Variants in PIK3C2G observed in about 807,000 individuals in gnomAD.
PIK3C2G encodes phosphatidylinositol-4-phosphate 3-kinase catalytic subunit type 2 gamma.
A neutral mutation model predicts 181.1 loss-of-function variants in PIK3C2G; 168 were observed. The observed-to-expected ratio is 0.93, with a 90% CI of 0.82 to 1.05. The LOEUF (loss-of-function observed/expected upper bound fraction) is 1.05. Among genes scored for constraint, PIK3C2G ranks in the 50% least tolerant of loss-of-function variants. The pLI, the probability that PIK3C2G is intolerant of heterozygous loss-of-function variation, is 0.00. For missense variants in PIK3C2G, 1,869 were observed against 1,732.8 expected (o/e 1.08, Z -1.40); for synonymous variants, 573 against 592.2 (o/e 0.97, Z 0.47).
At chr12:18,541,499 T>TA (rs1453700706) in intron 25 of PIK3C2G, among the ~76,000 whole-genome samples, 1 of 151,918 alleles carries the variant, frequency 6.6e-6, no homozygotes, top group Non-Finnish European at 1.5e-5. Context: ...TTGCCCAGTT[T>TA]AAAATGTTTA....
rs1047474966 is a variant in PIK3C2G at position 18,642,447 on chromosome 12, A to T, written c.4308+1893A>T. On this transcript the variant is annotated intron_variant, in intron 32 of 32. Coordinates refer to ENST00000538779, the MANE Select transcript of PIK3C2G (RefSeq NM_001288772.2). The stretch of plus-strand genomic sequence containing the variant: ...TTTGTGTTCTTATACTCTTTTTGTT[A>T]TCCCATACTTAGCCATATTTTCAGA... Among the ~76,000 whole-genome samples, 5 of 152,062 alleles carry T rather than the reference A, an allele frequency of 3.3e-5. No homozygotes were observed. The East Asian group carries it at 7.7e-4, about 24-fold the overall frequency.
At chr12:18,345,365 G>A (rs1421710321) in intron 10 of PIK3C2G, among the ~76,000 whole-genome samples, 1 of 152,052 alleles carries the variant, frequency 6.6e-6, no homozygotes, top group African/African-American at 2.4e-5. Flanking sequence ...GTCCCCCCCA[G>A]ACTGTTTCAA....
chr12:18,377,524 G>A (rs952998994), intron 13 of PIK3C2G, among the ~76,000 whole-genome samples: 1 of 152,054 alleles, frequency 6.6e-6, no homozygotes, highest in Non-Finnish European at 1.5e-5. Context: ...CCATCTTTCT[G>A]AAGTTCACCC....
Position 18,599,857 on chromosome 12 carries a change from G to C in PIK3C2G, c.4087+5288G>C, listed in dbSNP as rs190562633. ...GGCTAAAAAGCATTGAATTAAATAA[G>C]AGAATTTTATAATGAGTACAGTTCT... On this transcript the variant is annotated intron_variant, in intron 30 of 32. Coordinates refer to ENST00000538779, the MANE Select transcript of PIK3C2G (RefSeq NM_001288772.2). Among the ~76,000 whole-genome samples, 54 of 151,894 alleles carry C rather than the reference G, an allele frequency of 3.6e-4. No individual in the cohort carries two copies. In the East Asian group the frequency reaches 9.1e-3, roughly 26 times the overall value.
At chr12:18,619,087 T>C (rs898168514) in intron 31 of PIK3C2G, among the ~76,000 whole-genome samples, 6 of 150,764 alleles carry the variant, frequency 4.0e-5, no homozygotes, top group Non-Finnish European at 8.9e-5. Context: ...AATTATATTA[T>C]ATATTATTTA....
intron 4 of PIK3C2G, among the ~76,000 whole-genome samples, chr12:18,293,470 C>T (rs1299057872): frequency 6.6e-6 from 1 of 152,082 alleles, no homozygotes; most frequent in Non-Finnish European, 1.5e-5. Flanking sequence ...TTTTATCTTG[C>T]TGATACCCTT....
At chr12:18,725,879 C>T in the PIK3C2G span, among the ~76,000 whole-genome samples, 2 of 152,124 alleles carry the variant, frequency 1.3e-5, no homozygotes, top group Non-Finnish European at 2.9e-5. Context: ...AGAAATCTTC[C>T]TCTGTATCTC....
intron 12 of PIK3C2G, among the ~76,000 whole-genome samples, chr12:18,364,540 A>G (rs966731385): frequency 6.6e-6 from 1 of 152,132 alleles, no homozygotes; most frequent in Non-Finnish European, 1.5e-5. Flanking sequence ...AGCACCAGAC[A>G]AAGGGTCCAG....
At chr12:18,665,527 T>C in the PIK3C2G span, among the ~76,000 whole-genome samples, 40 of 152,306 alleles carry the variant, frequency 2.6e-4, no homozygotes, top group Non-Finnish European at 4.6e-4. Context: ...GTGTGGTGGC[T>C]CCTGCCTGTA....
chr12:18,594,329 G>C (rs907281218), intron 29 of PIK3C2G, among the ~76,000 whole-genome samples, 165 bp from the exon 30 acceptor site: 1 of 151,994 alleles, frequency 6.6e-6, no homozygotes, highest in Non-Finnish European at 1.5e-5. Flanking sequence ...ATGGTAAGAT[G>C]ATAGCACTGA....
At chr12:18,272,883 G>A (rs1948802066) in intron 1 of PIK3C2G, among the ~76,000 whole-genome samples, 2 of 152,058 alleles carry the variant, frequency 1.3e-5, no homozygotes, top group South Asian at 4.1e-4. Context: ...CTTTTACTAG[G>A]TAATGATGTT....
intron 18 of PIK3C2G, among the ~76,000 whole-genome samples, chr12:18,445,120 A>G (rs1034345181): frequency 6.6e-6 from 1 of 152,136 alleles, no homozygotes; most frequent in African/African-American, 2.4e-5. Context: ...CAAGCCAGAT[A>G]TTTAAAAAAT....
At chr12:18,715,071 T>C in the PIK3C2G span, among the ~76,000 whole-genome samples, 1 of 151,152 alleles carries the variant, frequency 6.6e-6, no homozygotes, top group South Asian at 2.1e-4. Context: ...ACCCAAGAAG[T>C]ACTTAGGTAA....
chr12:18,554,940 A>G (rs1179733130), intron 26 of PIK3C2G, among the ~76,000 whole-genome samples: 2 of 152,128 alleles, frequency 1.3e-5, no homozygotes, highest in Non-Finnish European at 2.9e-5. Flanking sequence ...CACATGCCAG[A>G]ATACTGCAAT....
chr12:18,706,856 C>G, the PIK3C2G span, among the ~76,000 whole-genome samples: 2 of 152,170 alleles, frequency 1.3e-5, no homozygotes, highest in African/African-American at 2.4e-5. Context: ...AACATTTATT[C>G]TCTCACTGTC....
At chr12:18,399,421 T>G (rs1425166161) in intron 15 of PIK3C2G, among the ~76,000 whole-genome samples, 5 of 150,796 alleles carry the variant, frequency 3.3e-5, no homozygotes, top group Non-Finnish European at 5.9e-5. Flanking sequence ...AAAATAAATG[T>G]GAGTTATCTG....
downstream of PIK3C2G, among the ~76,000 whole-genome samples, chr12:18,652,683 G>T (rs1016664679): frequency 3.3e-5 from 5 of 152,046 alleles, no homozygotes; most frequent in African/African-American, 9.7e-5. Flanking sequence ...ACCAGTACAA[G>T]AAAAGCAAGG....
At chr12:18,269,190 G>T (rs747168325) in intron 1 of PIK3C2G, among the ~76,000 whole-genome samples, 1 of 152,086 alleles carries the variant, frequency 6.6e-6, no homozygotes, top group Non-Finnish European at 1.5e-5. Context: ...GGTATTATAG[G>T]CATAAGCCAC....
At chr12:18,295,897 G>T (rs1328642070) in intron 5 of PIK3C2G, among the ~76,000 whole-genome samples, 2 of 151,906 alleles carry the variant, frequency 1.3e-5, no homozygotes, top group African/African-American at 4.8e-5. Flanking sequence ...TGTGTAACTT[G>T]TCTAAAAAAT....
Sources: allele counts gnomAD v4.1 joint callset (sites outside exome capture counted in the v4.1 genomes callset), GRCh38; gene constraint gnomAD v4.1.1; transcripts MANE v1.5; gene names NCBI Gene and HGNC (gene_info 2026-07-23, HGNC 2026-07-21).